The following KLHL29 variants were observed in gnomAD, a reference collection of about 807,000 sequenced individuals.
KLHL29 encodes kelch-like protein 29.
Under a neutral mutation model 80.4 loss-of-function variants are expected in KLHL29, and 21 were observed. The ratio of observed to expected loss-of-function variants is 0.26; its 90% CI spans 0.19 to 0.38. The LOEUF (loss-of-function observed/expected upper bound fraction) is 0.38, where lower values mean the gene tolerates loss of function less well. KLHL29 is among the 10% of genes least tolerant of loss of function. KLHL29 has a pLI of 1.00. For missense variants in KLHL29, 867 were observed against 1,223.9 expected (o/e 0.71, Z 4.35); for synonymous variants, 511 against 526.8 (o/e 0.97, Z 0.41).
chr2:23,525,164 C>T (rs1426696602), intron 2 of KLHL29, among the ~76,000 whole-genome samples: 4 of 152,188 alleles, frequency 2.6e-5, no homozygotes, highest in Admixed American at 1.3e-4. Context: ...ATTCCTGTCT[C>T]GGCACGTAGG....
intron 1 of KLHL29, among the ~76,000 whole-genome samples, chr2:23,407,320 T>G (rs1243685297): frequency 6.6e-6 from 1 of 151,904 alleles, no homozygotes; most frequent in Non-Finnish European, 1.5e-5. Flanking sequence ...CTATTATAAT[T>G]TTTTTTTAAT....
chr2:23,628,506 G>A (rs918246261), intron 3 of KLHL29, among the ~76,000 whole-genome samples: 1 of 152,126 alleles, frequency 6.6e-6, no homozygotes, highest in Non-Finnish European at 1.5e-5. Context: ...TAATGTTGAG[G>A]CCAGGCATGG....
At chr2:23,485,831 C>G (rs999454202) in intron 2 of KLHL29, among the ~76,000 whole-genome samples, 7 of 152,152 alleles carry the variant, frequency 4.6e-5, no homozygotes, top group Non-Finnish European at 1.0e-4. Flanking sequence ...TAGAGATTTT[C>G]ATAAAATTTT....
chr2:23,483,652 G>A (rs897450744), intron 2 of KLHL29, among the ~76,000 whole-genome samples: 1 of 152,210 alleles, frequency 6.6e-6, no homozygotes, highest in Non-Finnish European at 1.5e-5. Flanking sequence ...AGGTTGCAAA[G>A]TGTTTTCATA....
At chr2:23,656,728 G>A (rs937172678) in intron 5 of KLHL29, among the ~76,000 whole-genome samples, 2 of 151,600 alleles carry the variant, frequency 1.3e-5, no homozygotes, top group Non-Finnish European at 2.9e-5. Flanking sequence ...AGGAGAAGCT[G>A]GGCGGAGGTG....
chr2:23,486,758 A>C (rs1161195900), intron 2 of KLHL29, among the ~76,000 whole-genome samples: 1 of 152,096 alleles, frequency 6.6e-6, no homozygotes, highest in Non-Finnish European at 1.5e-5. Flanking sequence ...CTCCCTGCTC[A>C]CCTCTGGTGT....
In KLHL29 at chr2:23,499,134, C is replaced by T. The variant is rs181580433; in HGVS notation, c.-46+23467C>T. Among the ~76,000 whole-genome samples, 212 of 152,260 alleles carry T rather than the reference C, an allele frequency of 1.4e-3. 2 individuals carry two copies. The highest frequency in any genetic ancestry group is 0.012 in the Admixed American group (186 of 15,292). On this transcript the variant is annotated intron_variant, in intron 2 of 13. Transcript: ENST00000486442. ...CTGCAGCTGCCTGAGGAAATGGTTT[C>T]GCAAGACTTTATTATTTTTGGATTT...
intron 1 of KLHL29, among the ~76,000 whole-genome samples, chr2:23,453,064 A>G (rs1267443973): frequency 2.6e-5 from 4 of 152,108 alleles, no homozygotes; most frequent in African/African-American, 9.7e-5. Context: ...ACTTCTAAAG[A>G]ACAAGAACTG....
At chr2:23,673,788 A>G (rs949715503) in intron 5 of KLHL29, among the ~76,000 whole-genome samples, 1 of 151,658 alleles carries the variant, frequency 6.6e-6, no homozygotes, top group Non-Finnish European at 1.5e-5. Flanking sequence ...ACATACACAT[A>G]CATTAGCACA....
At chr2:23,447,669 C>A (rs529427158) in intron 1 of KLHL29, among the ~76,000 whole-genome samples, 6 of 152,294 alleles carry the variant, frequency 3.9e-5, no homozygotes, top group African/African-American at 1.4e-4. Flanking sequence ...GTCATTATTT[C>A]TTATCCGAAG....
At chr2:23,422,257 G>T (rs1478165919) in intron 1 of KLHL29, among the ~76,000 whole-genome samples, 19 of 151,834 alleles carry the variant, frequency 1.3e-4, no homozygotes, top group Admixed American at 1.2e-3. Context: ...TCATGTGTCT[G>T]TGTCTGTGTG....
intron 3 of KLHL29, among the ~76,000 whole-genome samples, chr2:23,586,507 C>CT (rs924618866): frequency 2.3e-4 from 35 of 151,810 alleles, no homozygotes; most frequent in African/African-American, 7.7e-4. Context: ...TTACAGGCAC[C>CT]TGCCACCATG....
intron 1 of KLHL29, among the ~76,000 whole-genome samples, chr2:23,399,808 A>G (rs186930757): frequency 1.3e-5 from 2 of 152,302 alleles, no homozygotes; most frequent in African/African-American, 2.4e-5. Flanking sequence ...ATGTTCTTGT[A>G]GACAGAAACT....
chr2:23,536,904 A>ACG (rs1666679942), intron 2 of KLHL29, among the ~76,000 whole-genome samples: 1 of 83,274 alleles, frequency 1.2e-5, no homozygotes, highest in Admixed American at 1.3e-4. Flanking sequence ...ACACACACAC[A>ACG]CACACACACA....
intron 8 of KLHL29, 117 bp downstream of exon 8, chr2:23,693,645 G>C (rs2149208241): frequency 9.0e-7 from 1 of 1,105,284 alleles, no homozygotes; most frequent in South Asian, 1.6e-5. Flanking sequence ...TCCCTAAGTG[G>C]CAGAGAGGTG....
chr2:23,682,699 C>A lies in KLHL29; in HGVS notation c.941-1700C>A, dbSNP rs537296374. Reference sequence around the variant, plus strand: ...CCTCCCACACCCTCCCGCACCCTCCCGCGCCCTCCCACTGGTGCTCTGAGC... The same window carrying A: ...CCTCCCACACCCTCCCGCACCCTCCAGCGCCCTCCCACTGGTGCTCTGAGC... On this transcript the variant is annotated intron_variant, in intron 5 of 13. Transcript: ENST00000486442. This position sits in a 1 kb window ranked among gnomAD's most constrained non-coding sequence, Gnocchi z 4.1. Among the ~76,000 whole-genome samples the A allele has an allele frequency of 6.6e-6, 1 of 152,116 alleles. No homozygotes were observed. Among genetic ancestry groups the A allele is most frequent in the South Asian group, 2.1e-4 (1 of 4,830 alleles).
At chr2:23,638,391 T>G (rs1223080151) in intron 3 of KLHL29, among the ~76,000 whole-genome samples, 1 of 151,654 alleles carries the variant, frequency 6.6e-6, no homozygotes, top group African/African-American at 2.4e-5. Context: ...GTCCTGGTGT[T>G]TTTTTTTTCA....
intron 1 of KLHL29, among the ~76,000 whole-genome samples, chr2:23,409,012 A>G (rs941404923): frequency 1.3e-5 from 2 of 152,158 alleles, no homozygotes; most frequent in African/African-American, 4.8e-5. Flanking sequence ...GGGGCTAATC[A>G]TAAAGAATAA....
chr2:23,434,896 G>A (rs1460609659), intron 1 of KLHL29, among the ~76,000 whole-genome samples: 1 of 152,160 alleles, frequency 6.6e-6, no homozygotes, highest in African/African-American at 2.4e-5. Context: ...GAGGGGGTGG[G>A]GAGTGTCAGG....
Sources: gnomAD v4.1 joint callset for allele counts (sites outside exome capture counted in the v4.1 genomes callset) on GRCh38, gnomAD v4.1.1 for gene constraint, Gnocchi (gnomAD v3.1) non-coding constraint, MANE v1.5 for transcripts, NCBI Gene and HGNC (gene_info 2026-07-23, HGNC 2026-07-21) for gene names.